The following PKHD1 variants were observed in gnomAD, a reference collection of about 807,000 sequenced individuals.
The protein encoded by PKHD1 is fibrocystin.
A neutral mutation model predicts 412.0 loss-of-function variants in PKHD1; 291 were observed. The observed-to-expected ratio is 0.71, with a 90% CI of 0.64 to 0.78. PKHD1 has a LOEUF of 0.78. Ranked by LOEUF, PKHD1 falls within the 30% of genes least tolerant of loss-of-function variation. PKHD1 has a pLI of 0.00. For missense variants in PKHD1, 4,825 were observed against 4,950.7 expected (o/e 0.97, Z 0.76); for synonymous variants, 1,777 against 1,821.5 (o/e 0.98, Z 0.62).
intron 1 of PKHD1, among the ~76,000 whole-genome samples, chr6:52,086,302 G>C (rs1812783119): frequency 1.3e-5 from 2 of 151,894 alleles, no homozygotes; most frequent in South Asian, 4.2e-4. Flanking sequence ...GTAGAGACAG[G>C]TTTTCACCAT....
intron 60 of PKHD1, among the ~76,000 whole-genome samples, chr6:51,699,227 C>T (rs1185940352): frequency 6.6e-6 from 1 of 152,194 alleles, no homozygotes; most frequent in East Asian, 1.9e-4. Flanking sequence ...CCTTGGGCTA[C>T]CCCTTACAGT....
At chr6:51,792,759 C>T (rs1793955988) in intron 52 of PKHD1, among the ~76,000 whole-genome samples, 3 of 152,172 alleles carry the variant, frequency 2.0e-5, no homozygotes, top group Admixed American at 2.0e-4. Flanking sequence ...CATCAGGATG[C>T]AAAGCAAGCA....
intron 43 of PKHD1, among the ~76,000 whole-genome samples, chr6:51,888,285 TTC>T (rs1166443521): frequency 6.6e-6 from 1 of 152,224 alleles, no homozygotes; most frequent in African/African-American, 2.4e-5. Flanking sequence ...AAAATCTGAC[TTC>T]TCTCTCTTGG....
chr6:51,646,915 C>T (rs561523051), intron 63 of PKHD1, among the ~76,000 whole-genome samples: 2 of 152,226 alleles, frequency 1.3e-5, no homozygotes, highest in African/African-American at 2.4e-5. Flanking sequence ...TCTAAACATG[C>T]GAGTCAGACC....
rs1429018022 is a variant in PKHD1 at position 51,807,044 on chromosome 6, C to A, written c.8303-15671G>T. On this transcript the variant is annotated intron_variant, in intron 52 of 66. Transcript: ENST00000371117. ...CTTGGGACACACTTTCAGTTCACCTCTAAATCATATCATGTAAACATTAGA... is the reference window on the plus strand; with the variant it reads ...CTTGGGACACACTTTCAGTTCACCTATAAATCATATCATGTAAACATTAGA... 3.3e-5 allele frequency among the ~76,000 whole-genome samples: 5 copies of A among 152,100 alleles called. No individual in the cohort carries two copies. In the East Asian group the frequency reaches 7.7e-4, roughly 23 times the overall value.
chr6:51,984,550 C>G (rs184927148), intron 35 of PKHD1, among the ~76,000 whole-genome samples: 5 of 152,272 alleles, frequency 3.3e-5, no homozygotes, highest in Non-Finnish European at 5.9e-5. Context: ...TGCCACAGTC[C>G]TAAGAACAAT....
At chr6:51,667,487 T>C (rs1210278748) in intron 60 of PKHD1, among the ~76,000 whole-genome samples, 3 of 149,520 alleles carry the variant, frequency 2.0e-5, no homozygotes, top group South Asian at 4.2e-4. Flanking sequence ...TTCTCCCATT[T>C]TGTAGGTTGC....
chr6:51,836,689 G>C (rs1435177346), intron 50 of PKHD1, among the ~76,000 whole-genome samples: 1 of 152,170 alleles, frequency 6.6e-6, no homozygotes, highest in Non-Finnish European at 1.5e-5. Flanking sequence ...GTCTCCAGGA[G>C]AACTGGCACA....
intron 60 of PKHD1, among the ~76,000 whole-genome samples, chr6:51,724,773 T>C (rs1782364191): frequency 6.6e-6 from 1 of 152,188 alleles, no homozygotes; most frequent in African/African-American, 2.4e-5. Context: ...ATTATCTAGT[T>C]GGTAAATGTA....
At chr6:51,674,257 T>C (rs943509491) in intron 60 of PKHD1, among the ~76,000 whole-genome samples, 18 of 152,164 alleles carry the variant, frequency 1.2e-4, no homozygotes, top group African/African-American at 3.9e-4. Context: ...GAGCTGTAGG[T>C]ACAGATATAT....
intron 60 of PKHD1, among the ~76,000 whole-genome samples, chr6:51,675,561 C>T (rs1018034914): frequency 8.5e-5 from 13 of 152,120 alleles, no homozygotes; most frequent in African/African-American, 3.1e-4. Flanking sequence ...TATGAACTCA[C>T]CGTGAAAGGC....
At chr6:51,727,685 G>T (rs547512975) in intron 60 of PKHD1, among the ~76,000 whole-genome samples, 77 of 152,240 alleles carry the variant, frequency 5.1e-4, no homozygotes, top group African/African-American at 1.8e-3. Context: ...TCTTCCCTTT[G>T]CTGCTGGTGT....
chr6:51,720,735 TTGTG>T (rs1475746726), intron 60 of PKHD1: 2 of 142,694 alleles, frequency 1.4e-5, no homozygotes, highest in East Asian at 2.0e-4. Context: ...AATTATACAT[TTGTG>T]TGTGTATGTA....
At chr6:51,674,188 G>A (rs1775468898) in intron 60 of PKHD1, among the ~76,000 whole-genome samples, 1 of 152,224 alleles carries the variant, frequency 6.6e-6, no homozygotes, top group Non-Finnish European at 1.5e-5. Context: ...GAGATCTTAT[G>A]TGGCAGGATG....
chr6:52,040,157 A>C (rs1804615836), intron 27 of PKHD1, among the ~76,000 whole-genome samples: 1 of 152,206 alleles, frequency 6.6e-6, no homozygotes, highest in Non-Finnish European at 1.5e-5. Flanking sequence ...CATGATGATG[A>C]AAATGTTGTT....
intron 64 of PKHD1, among the ~76,000 whole-genome samples, chr6:51,638,639 T>C (rs1474446992): frequency 6.6e-6 from 1 of 152,120 alleles, no homozygotes; most frequent in Non-Finnish European, 1.5e-5. Context: ...GTACATTTGG[T>C]TTCTTGCTCA....
At chr6:51,908,236 T>A (rs1313890223) in intron 40 of PKHD1, among the ~76,000 whole-genome samples, 1 of 152,152 alleles carries the variant, frequency 6.6e-6, no homozygotes, top group Non-Finnish European at 1.5e-5. Context: ...GTCCTTAGCA[T>A]GCAGATAATT....
rs543815988 is a variant in PKHD1 at position 51,940,444 on chromosome 6, G to A, written c.5909-6122C>T. 4.0e-5 allele frequency among the ~76,000 whole-genome samples: 6 copies of A among 151,786 alleles called. No homozygotes were observed. In the East Asian group the frequency reaches 1.2e-3, roughly 29 times the overall value. ...GGTTCCTCCAGAACCTCCTCCCCCA[G>A]GAGCTTACTACAAGTGCTGGAAATC... On this transcript the variant is annotated intron_variant, in intron 36 of 66. Coordinates refer to ENST00000371117, the MANE Select transcript of PKHD1 (RefSeq NM_138694.4).
rs764115931 is a variant in PKHD1, at chr6:52,062,565, C to T, written c.1072G>A (p.Ala358Thr). Residue 358 changes from alanine to threonine, a missense_variant, in exon 14 of 67, where the codon GCC (alanine) becomes ACC (threonine). Ala to Thr is a moderately conservative substitution (Grantham distance 58). Transcript: ENST00000371117. The part of the protein sequence containing the change: ...PGYRWQIVPN[A>T]SSPFGFWSQE... ...GACCAAAACCCAAATGGAGAACTGG[C>T]ATTAGGGACAATCTGCCACCTGTAC... The T allele has an allele frequency of 1.2e-6, 2 of 1,614,042 alleles. No homozygotes were observed. The highest frequency in any genetic ancestry group is 1.7e-5 in the Admixed American group (1 of 60,004).
Sources: allele counts gnomAD v4.1 joint callset (sites outside exome capture counted in the v4.1 genomes callset), GRCh38; gene constraint gnomAD v4.1.1; transcripts MANE v1.5; gene names NCBI Gene and HGNC (gene_info 2026-07-23, HGNC 2026-07-21).